PPAT: variants seen among roughly 807,000 people sequenced by gnomAD.
The protein encoded by PPAT is amidophosphoribosyltransferase.
PPAT carries 20 observed loss-of-function variants against 60.2 expected under a neutral mutation model. That is an observed-to-expected ratio of 0.33 (90% CI 0.23 to 0.48). The LOEUF (loss-of-function observed/expected upper bound fraction) is 0.48. Ranked by LOEUF, PPAT falls within the 20% of genes least tolerant of loss-of-function variation. The probability of loss-of-function intolerance (pLI) is 0.99; values close to 1 mark genes in which losing one functional copy is unlikely to be tolerated. For missense variants in PPAT, 349 were observed against 629.6 expected (o/e 0.55, Z 4.77); for synonymous variants, 194 against 215.1 (o/e 0.90, Z 0.86).
chr4:56,409,881 C>T (rs760820460), intron 1 of PPAT, among the ~76,000 whole-genome samples: 10 of 151,930 alleles, frequency 6.6e-5, no homozygotes, highest in African/African-American at 1.2e-4. Context: ...GTTTTATTAA[C>T]GAGAAAAATG....
intron 1 of PPAT, among the ~76,000 whole-genome samples, chr4:56,426,997 T>C (rs947365304): frequency 3.9e-5 from 6 of 152,218 alleles, no homozygotes; most frequent in African/African-American, 1.2e-4. Flanking sequence ...AATCATACAA[T>C]ATTCGTCCAT....
intron 1 of PPAT, among the ~76,000 whole-genome samples, chr4:56,430,700 C>G (rs1717537729): frequency 6.7e-6 from 1 of 150,276 alleles, no homozygotes; most frequent in Non-Finnish European, 1.5e-5. Context: ...AGCAGTTTCT[C>G]CTTTCAGGTT....
At chr4:56,402,206 T>A in intron 5 of PPAT, 25 bp from the exon 6 acceptor site, 1 of 1,550,482 alleles carries the variant, frequency 6.4e-7, no homozygotes, top group Non-Finnish European at 8.9e-7. Context: ...TCAATTCAAT[T>A]AATGGATTCC....
chr4:56,434,138 C>G (rs1454967559), intron 1 of PPAT, among the ~76,000 whole-genome samples: 1 of 152,030 alleles, frequency 6.6e-6, no homozygotes, highest in Non-Finnish European at 1.5e-5. Context: ...CACAATTATC[C>G]AAGATTGGAG....
At chr4:56,419,948 T>G in intron 1 of PPAT, 1 of 983,962 alleles carries the variant, frequency 1.0e-6, no homozygotes, top group Non-Finnish European at 1.2e-6. Flanking sequence ...TGGATGCTAT[T>G]CTGGGACCCA....
intron 1 of PPAT, among the ~76,000 whole-genome samples, chr4:56,433,397 TAAAAAA>T (rs34598008): frequency 8.5e-6 from 1 of 118,252 alleles, no homozygotes; most frequent in African/African-American, 3.2e-5. Context: ...TGGTATTCAT[TAAAAAA>T]AAAAAAAAAG....
chr4:56,413,935 C>T (rs1445505272), intron 1 of PPAT, among the ~76,000 whole-genome samples: 1 of 152,022 alleles, frequency 6.6e-6, no homozygotes, highest in African/African-American at 2.4e-5. Flanking sequence ...ACGACTTAGG[C>T]TAATTTAAGA....
chr4:56,423,888 A>C (rs192010771), intron 1 of PPAT, among the ~76,000 whole-genome samples: 241 of 152,306 alleles, frequency 1.6e-3, no homozygotes, highest in African/African-American at 4.6e-3. Context: ...ATATATACCT[A>C]CTGATTCACA....
At chr4:56,402,080 T>TA (rs745632699) in intron 6 of PPAT, 29 bp downstream of exon 6, 1 of 1,487,756 alleles carries the variant, frequency 6.7e-7, no homozygotes, top group East Asian at 2.3e-5. Context: ...CATGGGAAAA[T>TA]AAAATATGTC....
At chr4:56,417,555 G>A (rs578115434) in intron 1 of PPAT, among the ~76,000 whole-genome samples, 324 of 152,178 alleles carry the variant, frequency 2.1e-3, no homozygotes, top group Non-Finnish European at 3.5e-3. Flanking sequence ...GCCAAGGTGC[G>A]GGATCACTTG....
intron 3 of PPAT, among the ~76,000 whole-genome samples, chr4:56,405,016 G>A (rs947583466): frequency 2.7e-5 from 4 of 150,624 alleles, no homozygotes; most frequent in Non-Finnish European, 5.9e-5. Flanking sequence ...CTAATAAACT[G>A]AAGAAACTCA....
chr4:56,395,300 A>T lies in PPAT; in HGVS notation c.*52T>A. On this transcript the variant is annotated 3_prime_UTR_variant, in exon 11 of 11. Coordinates refer to ENST00000264220, the MANE Select transcript of PPAT (RefSeq NM_002703.5). ...TAAATAGATGAGGTGTGACCACTAT[A>T]ACTTCTTGACCAACTTTCTATCTTG... is the stretch of plus-strand genomic sequence containing the variant. 8 of 1,475,472 alleles carry T rather than the reference A, an allele frequency of 5.4e-6. No individual in the cohort carries two copies. Among genetic ancestry groups the T allele is most frequent in the Non-Finnish European group, 7.4e-6 (8 of 1,076,454 alleles). 91.4% of individuals were successfully genotyped at this position (1,475,472 alleles called of 1,614,324 possible).
intron 1 of PPAT, chr4:56,410,717 TA>T (rs1716408854): frequency 4.1e-6 from 4 of 986,666 alleles, no homozygotes; most frequent in Non-Finnish European, 4.8e-6. Context: ...AAATCTCAAA[TA>T]TGAATATAGA....
intron 1 of PPAT, among the ~76,000 whole-genome samples, chr4:56,434,106 A>G (rs891244919): frequency 6.6e-6 from 1 of 152,212 alleles, no homozygotes; most frequent in Admixed American, 6.5e-5. Context: ...TAAAAAAAAC[A>G]AGAAATCTAT....
intron 8 of PPAT, 150 bp downstream of exon 8, chr4:56,400,634 G>T: frequency 1.1e-6 from 1 of 877,398 alleles, no homozygotes; most frequent in Non-Finnish European, 1.6e-6. Context: ...AAAAAGCCTG[G>T]AAAATAAAAA....
In PPAT at chr4:56,435,599, G is replaced by A; in HGVS notation, c.-122C>T. On this transcript the variant is annotated 5_prime_UTR_variant, in exon 1 of 11. Transcript: ENST00000264220. ...CTCGCGACAGGCTCTTCCTTCCCGAGGGTGGCCCCAGCTACTGCGGCGGCG... is the reference window on the plus strand; with the variant it reads ...CTCGCGACAGGCTCTTCCTTCCCGAAGGTGGCCCCAGCTACTGCGGCGGCG... 4 of 1,543,874 alleles carry A rather than the reference G, an allele frequency of 2.6e-6. No homozygotes were observed. The South Asian group carries it at 3.6e-5, about 14-fold the overall frequency.
chr4:56,406,736 C>A (rs1482688653), intron 2 of PPAT, 35 bp from the exon 3 acceptor site: 2 of 1,460,416 alleles, frequency 1.4e-6, no homozygotes, highest in Non-Finnish European at 1.9e-6. Flanking sequence ...TAGAAAAAAA[C>A]AGACTAGTAC....
chr4:56,429,117 G>A (rs1717444846), intron 1 of PPAT: 1 of 169,874 alleles, frequency 5.9e-6, no homozygotes, highest in Admixed American at 6.5e-5. Flanking sequence ...TAAATATATT[G>A]TTTATGAACT....
rs556899549 is a variant in PPAT, at chr4:56,402,820, CAAAAAAAAAAAAAAA to C, written c.661+205_661+219del. Among the ~76,000 whole-genome samples, 10 of 44,026 alleles carry C rather than the reference CAAAAAAAAAAAAAAA, an allele frequency of 2.3e-4. No homozygotes were observed. The South Asian group carries it at 3.0e-3, about 13-fold the overall frequency. 28.9% of individuals were successfully genotyped at this position (44,026 alleles called of 152,430 possible). A position where few individuals can be genotyped will look rare whatever the true frequency, so the allele number is the denominator to read the frequency against. ...GGCAACAAGAGTGAAACTCGGTCTC[CAAAAAAAAAAAAAAA>C]AAAAAAAAAAAAAGGGGGGGGACTC... On this transcript the variant is annotated intron_variant, in intron 5 of 10. Transcript: ENST00000264220.
Sources: allele counts gnomAD v4.1 joint callset (sites outside exome capture counted in the v4.1 genomes callset), GRCh38; gene constraint gnomAD v4.1.1; transcripts MANE v1.5; gene names NCBI Gene and HGNC (gene_info 2026-07-23, HGNC 2026-07-21).